Variants in TOMM20 observed in about 807,000 individuals in gnomAD.
TOMM20 encodes translocase of outer mitochondrial membrane 20.
Under a neutral mutation model 22.1 loss-of-function variants are expected in TOMM20, and 10 were observed. That is an observed-to-expected ratio of 0.45 (90% CI 0.28 to 0.77). The LOEUF (loss-of-function observed/expected upper bound fraction) is 0.77. TOMM20 is among the 30% of genes least tolerant of loss of function. TOMM20 has a pLI of 0.13. For synonymous variants in TOMM20, 55 were observed against 61.4 expected, an observed-to-expected ratio of 0.90 and a Z score of 0.49; for missense variants, 121 against 172.2, an observed-to-expected ratio of 0.70 and a Z score of 1.66.
rs1661083961 is a variant in TOMM20 at position 235,128,792 on chromosome 1, T to G, written c.-77A>C. 7 of 1,593,430 alleles carry G rather than the reference T, an allele frequency of 4.4e-6. No individual in the cohort carries two copies. Among genetic ancestry groups the G allele is most frequent in the Non-Finnish European group, 6.0e-6 (7 of 1,170,704 alleles). ...GGTGGGCCACGAACCCTCAGAGCGG[T>G]CGGCGCAGCTCACACCCGACGGCCG... On this transcript the variant is annotated 5_prime_UTR_variant, in exon 1 of 5. Coordinates refer to ENST00000366607, the MANE Select transcript of TOMM20 (RefSeq NM_014765.3).
intron 3 of TOMM20, among the ~76,000 whole-genome samples, chr1:235,117,784 C>A (rs1411263179): frequency 6.6e-6 from 1 of 152,144 alleles, no homozygotes; most frequent in Non-Finnish European, 1.5e-5. Context: ...TTTCCAAGAG[C>A]TTTCTTAACC....
chr1:235,119,925 ACAC>A (rs763321324), intron 2 of TOMM20, 26 bp from the exon 3 acceptor site: 1 of 1,505,094 alleles, frequency 6.6e-7, no homozygotes, highest in Non-Finnish European at 9.2e-7. Flanking sequence ...TTAATAAATG[ACAC>A]CACAATTATG....
rs191958632 is a variant in TOMM20, at chr1:235,116,931, C to T, written c.250+2887G>A. ...CGGGCGGATCACAAGGTCAGGAGAT[C>T]GAGACCATCCTGGCTAACATGGTGA... On this transcript the variant is annotated intron_variant, in intron 3 of 4. Transcript: ENST00000366607. Among the ~76,000 whole-genome samples the T allele has an allele frequency of 5.6e-4, 84 of 150,026 alleles. 1 individual carries two copies. Among genetic ancestry groups the T allele is most frequent in the East Asian group, 2.6e-3 (13 of 4,992 alleles).
At position 235,110,548 on chromosome 1, in the gene TOMM20, C is replaced by T. The variant is rs1660722590; in HGVS notation, c.*1516G>A. 1 of 152,056 alleles carries T rather than the reference C, an allele frequency of 6.6e-6. No individual in the cohort carries two copies. Among genetic ancestry groups the T allele is most frequent in the African/African-American group, 2.4e-5 (1 of 41,360 alleles). The allele number at this position is 152,056 out of a possible 1,614,324, so 9.4% of individuals were successfully genotyped here. A position where few individuals can be genotyped will look rare whatever the true frequency, so the allele number is the denominator to read the frequency against. ...TCAGGATCACAAACCCTCAAGATAC[C>T]CGAGAAAAGTCCTCAAATGTGAGTC... On this transcript the variant is annotated 3_prime_UTR_variant, in exon 5 of 5. Coordinates refer to ENST00000366607, the MANE Select transcript of TOMM20 (RefSeq NM_014765.3).
Position 235,119,919 on chromosome 1 carries a change from T to C in TOMM20, c.169-20A>G, listed in dbSNP as rs769145799. On this transcript the variant is annotated intron_variant, in intron 2 of 4. Transcript: ENST00000366607. ...AGGTAACTGGAAATAAAATATTTAA[T>C]AAATGACACCACAATTATGCCAGGG... 1 of 1,532,616 alleles carries C rather than the reference T, an allele frequency of 6.5e-7. No individual in the cohort carries two copies. The highest frequency in any genetic ancestry group is 9.0e-7 in the Non-Finnish European group (1 of 1,110,424). The allele number at this position is 1,532,616 out of a possible 1,614,324, so 94.9% of individuals were successfully genotyped here. A position where few individuals can be genotyped will look rare whatever the true frequency, so the allele number is the denominator to read the frequency against.
At chr1:235,118,913 T>G (rs1572129113) in intron 3 of TOMM20, among the ~76,000 whole-genome samples, 1 of 152,300 alleles carries the variant, frequency 6.6e-6, no homozygotes, top group South Asian at 2.1e-4. Flanking sequence ...ATTCTATTGA[T>G]ATCAAAAAAG....
chr1:235,126,616 A>T (rs1438088195), intron 1 of TOMM20, among the ~76,000 whole-genome samples: 1 of 152,056 alleles, frequency 6.6e-6, no homozygotes, highest in Non-Finnish European at 1.5e-5. Context: ...CAACCTGGCC[A>T]ATATGGTGAA....
intron 2 of TOMM20, among the ~76,000 whole-genome samples, chr1:235,120,868 T>TTAA (rs1572130004): frequency 5.6e-4 from 12 of 21,386 alleles, no homozygotes; most frequent in Non-Finnish European, 1.7e-4. Context: ...AGACCCTGTC[T>TTAA]CAAAAAAAAA....
intron 3 of TOMM20, among the ~76,000 whole-genome samples, chr1:235,117,985 G>A (rs1031305733): frequency 2.0e-5 from 3 of 152,172 alleles, no homozygotes; most frequent in African/African-American, 7.2e-5. Flanking sequence ...CAAGGGATCC[G>A]ACCCAGGGCT....
chr1:235,118,886 G>A (rs530675589), intron 3 of TOMM20, among the ~76,000 whole-genome samples: 119 of 151,992 alleles, frequency 7.8e-4, no homozygotes, highest in African/African-American at 2.8e-3. Context: ...GACTCTTTAG[G>A]TCAAATTAAT....
rs1661079699 is a variant in TOMM20, at chr1:235,128,663, A to G, written c.53T>C (p.Ile18Thr). 6.2e-7 allele frequency: 1 copy of G among 1,613,918 alleles called. No individual in the cohort carries two copies. Among genetic ancestry groups the G allele is most frequent in the Non-Finnish European group, 8.5e-7 (1 of 1,179,966 alleles). Residue 18 changes from isoleucine to threonine, a missense_variant, in exon 1 of 5, where the codon ATT becomes ACT. Coordinates refer to ENST00000366607, the MANE Select transcript of TOMM20 (RefSeq NM_014765.3). ...IAAGVCGALF[I>T]GYCIYFDRKR... Reference sequence around the variant, plus strand: ...GCGGTCGAAGTAGATGCAGTACCCAATGAAAAGGGCCCCGCATACACCGGC... The same window carrying G: ...GCGGTCGAAGTAGATGCAGTACCCAGTGAAAAGGGCCCCGCATACACCGGC...
Position 235,109,661 on chromosome 1 carries a change from C to T in TOMM20, c.*2403G>A, listed in dbSNP as rs1660703048. 1.3e-5 allele frequency: 2 copies of T among 152,250 alleles called. No individual in the cohort carries two copies. Among genetic ancestry groups the T allele is most frequent in the African/African-American group, 4.8e-5 (2 of 41,464 alleles). The allele number at this position is 152,250 out of a possible 1,614,324, so 9.4% of individuals were successfully genotyped here. A position where few individuals can be genotyped will look rare whatever the true frequency, so the allele number is the denominator to read the frequency against. On this transcript the variant is annotated 3_prime_UTR_variant, in exon 5 of 5. Transcript: ENST00000366607. ...AACCTAAGTTCTAGTTATCAGTTAA[C>T]AGGCCAGCATTGCTACAGCCAGTAA...
At chr1:235,116,819 A>G (rs1660835533) in intron 3 of TOMM20, among the ~76,000 whole-genome samples, 1 of 152,122 alleles carries the variant, frequency 6.6e-6, no homozygotes, top group African/African-American at 2.4e-5. Flanking sequence ...CACGATATAA[A>G]TTCACAGGAA....
chr1:235,117,124 G>A (rs1660847153), intron 3 of TOMM20, among the ~76,000 whole-genome samples: 2 of 97,620 alleles, frequency 2.0e-5, no homozygotes, highest in African/African-American at 8.5e-5. Flanking sequence ...GACAGAGCGA[G>A]ACTCCATCTC....
chr1:235,126,472 A>G (rs999166815), intron 1 of TOMM20, among the ~76,000 whole-genome samples: 5 of 152,096 alleles, frequency 3.3e-5, no homozygotes, highest in Non-Finnish European at 7.4e-5. Flanking sequence ...TTCTAAATAA[A>G]TTTTACAAAA....
In TOMM20 at chr1:235,109,879, T is replaced by G. The variant is rs7930; in HGVS notation, c.*2185A>C. On this transcript the variant is annotated 3_prime_UTR_variant, in exon 5 of 5. Coordinates refer to ENST00000366607, the MANE Select transcript of TOMM20 (RefSeq NM_014765.3). Reference sequence around the variant, plus strand: ...AGTTCACTGAGATCTGGGGTTTTTTTGTTCTCACCTGCTGAGCACCATTTG... The same window carrying G: ...AGTTCACTGAGATCTGGGGTTTTTTGGTTCTCACCTGCTGAGCACCATTTG... 6.6e-6 allele frequency: 1 copy of G among 152,122 alleles called. No individual in the cohort carries two copies. Among genetic ancestry groups the G allele is most frequent in the Non-Finnish European group, 1.5e-5 (1 of 68,024 alleles). 9.4% of individuals were successfully genotyped at this position (152,122 alleles called of 1,614,324 possible). A position where few individuals can be genotyped will look rare whatever the true frequency, so the allele number is the denominator to read the frequency against.
At chr1:235,128,199 T>G (rs568830455) in intron 1 of TOMM20, among the ~76,000 whole-genome samples, 34 of 152,278 alleles carry the variant, frequency 2.2e-4, no homozygotes, top group African/African-American at 7.5e-4. Context: ...ACAATGATAC[T>G]GCACTGAGCA....
chr1:235,113,891 T>A lies in TOMM20; in HGVS notation c.270A>T (p.Val90=), dbSNP rs777182171. The change falls in exon 4 of 5, where the codon GTA becomes GTT. Residue 90 remains valine (V), a synonymous_variant. Coordinates refer to ENST00000366607, the MANE Select transcript of TOMM20 (RefSeq NM_014765.3). ...CAGCAATTGCATTTGTCAGATGGTC[T>A]ACGCCCTTCTCATATTCACCTGTAA... The part of the protein sequence containing the change: ...LLAQGEYEKG[V]DHLTNAIAVC... The A allele has an allele frequency of 6.3e-6, 10 of 1,595,476 alleles. No individual in the cohort carries two copies. The highest frequency in any genetic ancestry group is 8.5e-6 in the Non-Finnish European group (10 of 1,170,088).
chr1:235,116,967 C>G (rs574298897), intron 3 of TOMM20, among the ~76,000 whole-genome samples: 3 of 150,416 alleles, frequency 2.0e-5, no homozygotes, highest in African/African-American at 4.9e-5. Flanking sequence ...AACCCCGTCT[C>G]TACTAAAAAT....
Sources: gnomAD v4.1 joint callset for allele counts (sites outside exome capture counted in the v4.1 genomes callset) on GRCh38, gnomAD v4.1.1 for gene constraint, MANE v1.5 for transcripts, NCBI Gene and HGNC (gene_info 2026-07-23, HGNC 2026-07-21) for gene names.